ALK: variants seen among roughly 807,000 people sequenced by gnomAD.
ALK encodes the protein ALK tyrosine kinase receptor.
A neutral mutation model predicts 163.1 loss-of-function variants in ALK; 74 were observed. That is an observed-to-expected ratio of 0.45 (90% CI 0.38 to 0.55). The LOEUF is 0.55. ALK is among the 20% of genes least tolerant of loss of function. The pLI, the probability that ALK is intolerant of heterozygous loss-of-function variation, is 0.00. For synonymous variants in ALK, 960 were observed against 843.2 expected (o/e 1.14, Z -2.40); for missense variants, 2,063 against 2,105.3 (o/e 0.98, Z 0.39).
intron 12 of ALK, among the ~76,000 whole-genome samples, chr2:29,243,980 T>C (rs539208015): frequency 7.0e-6 from 1 of 142,384 alleles, no homozygotes; most frequent in Non-Finnish European, 1.5e-5. Context: ...TATTAGAAAC[T>C]GTTACCTGAT....
intron 4 of ALK, among the ~76,000 whole-genome samples, chr2:29,529,828 C>A (rs4666235): frequency 0.16 from 24,892 of 152,138 alleles, 2,427 homozygotes; most frequent in South Asian, 0.32. Flanking sequence ...ACTGAATTTG[C>A]CTCAGCTCAG....
chr2:29,627,498 A>G (rs898856664), intron 3 of ALK, among the ~76,000 whole-genome samples: 6 of 151,688 alleles, frequency 4.0e-5, no homozygotes, highest in Non-Finnish European at 8.9e-5. Context: ...GCAGTGGGCC[A>G]GGGAATTGAG....
At chr2:29,828,977 A>G (rs936266105) in intron 1 of ALK, among the ~76,000 whole-genome samples, 4 of 152,116 alleles carry the variant, frequency 2.6e-5, no homozygotes, top group Non-Finnish European at 4.4e-5. Flanking sequence ...ATGGAATACT[A>G]TGCAGCCATA....
chr2:29,290,110 A>T (rs1665981234), intron 9 of ALK, among the ~76,000 whole-genome samples: 1 of 152,174 alleles, frequency 6.6e-6, no homozygotes, highest in South Asian at 2.1e-4. Flanking sequence ...TCATGCTTGG[A>T]AACCTTCACA....
chr2:29,901,439 A>C (rs1010802152), intron 1 of ALK, among the ~76,000 whole-genome samples: 30 of 152,230 alleles, frequency 2.0e-4, no homozygotes, highest in Non-Finnish European at 2.9e-4. Context: ...TAAACTAAAG[A>C]AAATTCAGCT....
intron 3 of ALK, among the ~76,000 whole-genome samples, chr2:29,608,667 C>A (rs1436114933): frequency 3.3e-5 from 5 of 152,200 alleles, no homozygotes; most frequent in South Asian, 2.1e-4. Flanking sequence ...CTAGACCAGG[C>A]TCTTTCTATC....
chr2:29,621,466 T>C (rs1676035587), intron 3 of ALK, among the ~76,000 whole-genome samples: 1 of 152,176 alleles, frequency 6.6e-6, no homozygotes, highest in Admixed American at 6.5e-5. Context: ...GAAAAGCTGA[T>C]GGTCAGGCAC....
chr2:29,209,226 A>G (rs1349683440), intron 25 of ALK, among the ~76,000 whole-genome samples: 9 of 152,168 alleles, frequency 5.9e-5, no homozygotes, highest in African/African-American at 2.2e-4. Context: ...TACAGTTGGA[A>G]CCGATGGACA....
Position 29,430,533 on chromosome 2 carries a change from T to C in ALK, c.1155-46674A>G, listed in dbSNP as rs148166236. ...ATAGAAAATACGTAACAGATAAGCA[T>C]GGCTGTGTTCCAACAAAATTTTATT... On this transcript the variant is annotated intron_variant, in intron 4 of 28. Transcript: ENST00000389048. 1.4e-3 allele frequency among the ~76,000 whole-genome samples: 209 copies of C among 152,302 alleles called. 1 individual carries two copies. The highest frequency in any genetic ancestry group is 1.5e-3 in the East Asian group (8 of 5,172).
At chr2:29,519,104 G>T (rs1188361967) in intron 4 of ALK, among the ~76,000 whole-genome samples, 1 of 152,192 alleles carries the variant, frequency 6.6e-6, no homozygotes. Context: ...TGGAGATATT[G>T]AATAACTTTT....
chr2:29,206,039 C>CAGAG (rs1447589482), intron 26 of ALK, among the ~76,000 whole-genome samples: 8 of 152,264 alleles, frequency 5.3e-5, no homozygotes, highest in Admixed American at 2.6e-4. Flanking sequence ...TCAGTCTCTT[C>CAGAG]AGAGAGAGAG....
chr2:29,627,042 A>G (rs1232501435), intron 3 of ALK, among the ~76,000 whole-genome samples: 2 of 152,146 alleles, frequency 1.3e-5, no homozygotes, highest in Admixed American at 6.5e-5. Context: ...CAGTTTCCAA[A>G]AGAGAAAGAT....
intron 3 of ALK, among the ~76,000 whole-genome samples, chr2:29,535,992 T>G (rs1390442286): frequency 6.6e-6 from 1 of 152,212 alleles, no homozygotes; most frequent in Non-Finnish European, 1.5e-5. Flanking sequence ...TCTCCCGATT[T>G]ACACACATAC....
intron 3 of ALK, among the ~76,000 whole-genome samples, chr2:29,653,297 A>C (rs1677086525): frequency 6.6e-6 from 1 of 152,144 alleles, no homozygotes; most frequent in African/African-American, 2.4e-5. Context: ...ACCACAAGAA[A>C]TATTGATGCT....
At chr2:29,703,874 A>G (rs1678819252) in intron 2 of ALK, among the ~76,000 whole-genome samples, 2 of 152,156 alleles carry the variant, frequency 1.3e-5, no homozygotes, top group South Asian at 4.2e-4. Flanking sequence ...CACGCCACTG[A>G]TTAATGAGTC....
chr2:29,276,745 A>T (rs1348165554), intron 9 of ALK, among the ~76,000 whole-genome samples: 1 of 152,224 alleles, frequency 6.6e-6, no homozygotes, highest in Non-Finnish European at 1.5e-5. Context: ...AAGACCGCCT[A>T]TTGAATGATT....
At position 29,447,313 on chromosome 2, in the gene ALK, C is replaced by A. The variant is rs111227098; in HGVS notation, c.1155-63454G>T. Among the ~76,000 whole-genome samples, 302 of 152,308 alleles carry A rather than the reference C, an allele frequency of 2.0e-3. 2 individuals carry two copies. Among genetic ancestry groups the A allele is most frequent in the South Asian group, 7.5e-3 (36 of 4,824 alleles). On this transcript the variant is annotated intron_variant, in intron 4 of 28. Transcript: ENST00000389048. ...AATCTCTCTGGCAGGTACAGCAGCA[C>A]CTGGGCAGGGAGAGTTGAGACTAAA...
chr2:29,276,255 CAG>C (rs1333280857), intron 9 of ALK, among the ~76,000 whole-genome samples: 2 of 152,172 alleles, frequency 1.3e-5, no homozygotes, highest in Non-Finnish European at 1.5e-5. Flanking sequence ...GTAACCAACA[CAG>C]GGGTCATAAA....
At chr2:29,471,452 C>T (rs964602917) in intron 4 of ALK, among the ~76,000 whole-genome samples, 1 of 152,172 alleles carries the variant, frequency 6.6e-6, no homozygotes, top group African/African-American at 2.4e-5. Context: ...AAAAGTTGAG[C>T]TTATTCCAGT....
Sources: allele counts gnomAD v4.1 joint callset (sites outside exome capture counted in the v4.1 genomes callset), GRCh38; gene constraint gnomAD v4.1.1; transcripts MANE v1.5; gene names NCBI Gene and HGNC (gene_info 2026-07-23, HGNC 2026-07-21).